DCLK2: variants seen among roughly 807,000 people sequenced by gnomAD.
The protein encoded by DCLK2 is doublecortin like kinase 2.
Under a neutral mutation model 78.4 loss-of-function variants are expected in DCLK2, and 31 were observed. That is an observed-to-expected ratio of 0.40 (90% CI 0.30 to 0.53). The LOEUF is 0.53. Among genes scored for constraint, DCLK2 ranks in the 20% least tolerant of loss-of-function variants. The pLI is 0.61. For missense variants in DCLK2, 872 were observed against 973.7 expected (o/e 0.90, Z 1.39); for synonymous variants, 407 against 374.9 (o/e 1.09, Z -0.99).
rs1491141894 is a variant in DCLK2 at position 150,175,117 on chromosome 4, T to TATTTGTATATATTTGTATATATTTATATA, written c.757-18021_757-18020insATTTGTATATATTTGTATATATTTATATA. 2.9e-5 allele frequency among the ~76,000 whole-genome samples: 2 copies of TATTTGTATATATTTGTATATATTTATATA among 69,362 alleles called. 1 individual carries two copies. The highest frequency in any genetic ancestry group is 1.7e-4 in the African/African-American group (2 of 12,112). 45.5% of individuals were successfully genotyped at this position (69,362 alleles called of 152,430 possible). ...ATTTATATATATTTATATATTTATATTTTTTATATATATATAATTTATGTA... is the reference window on the plus strand; with the variant it reads ...ATTTATATATATTTATATATTTATATATTTGTATATATTTGTATATATTTATATATTTTTATATATATATAATTTATGTA... On this transcript the variant is annotated intron_variant, in intron 2 of 15. Transcript: ENST00000296550.
At chr4:150,226,180 T>C (rs912182678) in intron 8 of DCLK2, among the ~76,000 whole-genome samples, 2 of 151,632 alleles carry the variant, frequency 1.3e-5, no homozygotes, top group Non-Finnish European at 2.9e-5. Context: ...AAAAATCTTC[T>C]CAGAACTCCA....
At chr4:150,208,056 A>C (rs1739975224) in intron 5 of DCLK2, among the ~76,000 whole-genome samples, 1 of 152,188 alleles carries the variant, frequency 6.6e-6, no homozygotes, top group East Asian at 1.9e-4. Context: ...CTTATTGCTG[A>C]AGGCAGGCTG....
chr4:150,196,498 T>G (rs184171478), intron 3 of DCLK2, among the ~76,000 whole-genome samples: 6 of 152,346 alleles, frequency 3.9e-5, no homozygotes, highest in Middle Eastern at 6.8e-3. Flanking sequence ...TGTACTTCAC[T>G]TGTCAGTTTA....
At chr4:150,252,122 C>T (rs77490924) in intron 15 of DCLK2, among the ~76,000 whole-genome samples, 443 of 152,264 alleles carry the variant, frequency 2.9e-3, no homozygotes, top group African/African-American at 9.7e-3. Flanking sequence ...AGAATTACAG[C>T]TTAGACACTT....
intron 2 of DCLK2, among the ~76,000 whole-genome samples, chr4:150,185,629 G>T (rs935086067): frequency 6.6e-6 from 1 of 151,684 alleles, no homozygotes; most frequent in African/African-American, 2.4e-5. Context: ...CAGAAGAATC[G>T]CTTGAACCGG....
intron 2 of DCLK2, among the ~76,000 whole-genome samples, chr4:150,126,380 T>G (rs1275651960): frequency 6.6e-6 from 1 of 152,158 alleles, no homozygotes; most frequent in Non-Finnish European, 1.5e-5. Context: ...TAATTTTAAG[T>G]CAGGGTGAGT....
At chr4:150,209,154 G>A (rs1036874790) in intron 5 of DCLK2, among the ~76,000 whole-genome samples, 3 of 152,204 alleles carry the variant, frequency 2.0e-5, no homozygotes, top group Non-Finnish European at 4.4e-5. Context: ...AAAGGCTAAC[G>A]CCATCCAGCA....
intron 1 of DCLK2, among the ~76,000 whole-genome samples, chr4:150,086,506 ATTTT>A (rs10539678): frequency 6.8e-6 from 1 of 147,400 alleles, no homozygotes; most frequent in Admixed American, 6.7e-5. Flanking sequence ...GATTCTTTTT[ATTTT>A]TTTTTTTTTT....
intron 8 of DCLK2, among the ~76,000 whole-genome samples, chr4:150,227,058 C>T (rs1319612829): frequency 1.3e-5 from 2 of 152,060 alleles, no homozygotes; most frequent in South Asian, 2.1e-4. Context: ...AAAACAGATG[C>T]GCCAGTTTTA....
chr4:150,167,818 G>A (rs1325193419), intron 2 of DCLK2, among the ~76,000 whole-genome samples: 5 of 152,186 alleles, frequency 3.3e-5, no homozygotes, highest in Non-Finnish European at 7.3e-5. Context: ...TCAAGCATGT[G>A]CACTAAGAGG....
At chr4:150,205,460 G>A (rs1739781211) in intron 5 of DCLK2, among the ~76,000 whole-genome samples, 1 of 152,192 alleles carries the variant, frequency 6.6e-6, no homozygotes, top group Admixed American at 6.5e-5. Flanking sequence ...TGGAAGTAGG[G>A]AGTATCTAGC....
At chr4:150,114,261 T>A (rs1731910477) in intron 2 of DCLK2, among the ~76,000 whole-genome samples, 1 of 152,200 alleles carries the variant, frequency 6.6e-6, no homozygotes. Flanking sequence ...GTTAGGTCCA[T>A]ATGTTCTAGA....
At chr4:150,154,182 C>G (rs971443316) in intron 2 of DCLK2, among the ~76,000 whole-genome samples, 4 of 152,134 alleles carry the variant, frequency 2.6e-5, no homozygotes, top group African/African-American at 9.7e-5. Context: ...CATAAGGGCT[C>G]CTCATCCTTA....
At chr4:150,082,738 A>C (rs1729392839) in intron 1 of DCLK2, among the ~76,000 whole-genome samples, 1 of 152,206 alleles carries the variant, frequency 6.6e-6, no homozygotes, top group Non-Finnish European at 1.5e-5. Flanking sequence ...AGTATCTGTA[A>C]TAACCAACAG....
intron 1 of DCLK2, among the ~76,000 whole-genome samples, chr4:150,086,226 T>C (rs974962729): frequency 1.3e-5 from 2 of 152,128 alleles, no homozygotes; most frequent in African/African-American, 2.4e-5. Context: ...TTAAGATGTT[T>C]TAATAGTTGG....
chr4:150,169,032 C>T (rs1252177267), intron 2 of DCLK2, among the ~76,000 whole-genome samples: 1 of 151,852 alleles, frequency 6.6e-6, no homozygotes, highest in Non-Finnish European at 1.5e-5. Context: ...CCATTGGAAG[C>T]CAAAGTGCAC....
chr4:150,169,047 T>G (rs1483835333), intron 2 of DCLK2, among the ~76,000 whole-genome samples: 1 of 137,098 alleles, frequency 7.3e-6, no homozygotes, highest in Non-Finnish European at 1.6e-5. Context: ...GTGCACCCCC[T>G]CCCCACCCCC....
intron 2 of DCLK2, among the ~76,000 whole-genome samples, chr4:150,128,843 G>C (rs1027413323): frequency 6.6e-6 from 1 of 152,098 alleles, no homozygotes; most frequent in Non-Finnish European, 1.5e-5. Flanking sequence ...ATCTTCATAA[G>C]GATTGGAAAG....
rs367731947 is a variant in DCLK2, at chr4:150,175,064, TTA to T, written c.757-18066_757-18065del. Among the ~76,000 whole-genome samples the T allele has an allele frequency of 7.5e-3, 88 of 11,712 alleles. 21 individuals are homozygous for T. The highest frequency in any genetic ancestry group is 9.7e-3 in the African/African-American group (41 of 4,246). 7.7% of individuals were successfully genotyped at this position (11,712 alleles called of 152,430 possible). A position where few individuals can be genotyped will look rare whatever the true frequency, so the allele number is the denominator to read the frequency against. On this transcript the variant is annotated intron_variant, in intron 2 of 15. Transcript: ENST00000296550. Reference sequence around the variant, plus strand: ...TATATTTATATATTTATATATATATTTATATATATTTATATATTTATATATAT... The same window carrying T: ...TATATTTATATATTTATATATATATTTATATATTTATATATTTATATATAT...
Sources: gnomAD v4.1 joint callset for allele counts (sites outside exome capture counted in the v4.1 genomes callset) on GRCh38, gnomAD v4.1.1 for gene constraint, MANE v1.5 for transcripts, NCBI Gene and HGNC (gene_info 2026-07-23, HGNC 2026-07-21) for gene names.